RAD52: variants seen among roughly 807,000 people sequenced by gnomAD.
The protein encoded by RAD52 is RAD52 DNA repair protein.
In RAD52, 47 loss-of-function variants were observed where a neutral mutation model predicts 55.5. The ratio of observed to expected loss-of-function variants is 0.85; its 90% CI spans 0.67 to 1.08. The LOEUF is 1.08. RAD52 is among the 50% of genes least tolerant of loss of function. RAD52 has a pLI of 0.00. For missense variants in RAD52, 468 were observed against 522.8 expected, an observed-to-expected ratio of 0.90 and a Z score of 1.02; for synonymous variants, 184 against 198.9, an observed-to-expected ratio of 0.92 and a Z score of 0.63.
intron 1 of RAD52, among the ~76,000 whole-genome samples, chr12:934,034 T>A (rs942816954): frequency 4.0e-5 from 6 of 148,534 alleles, no homozygotes; most frequent in Admixed American, 3.4e-4. Context: ...CTCAGGAGTT[T>A]GAGGCTGCAG....
At chr12:978,976 T>C (rs1565714014) in intron 1 of RAD52, among the ~76,000 whole-genome samples, 1 of 151,110 alleles carries the variant, frequency 6.6e-6, no homozygotes, top group Admixed American at 6.6e-5. Context: ...TGTAAAACTT[T>C]AAAAAAAAAG....
intron 1 of RAD52, among the ~76,000 whole-genome samples, chr12:947,761 G>A (rs1486684490): frequency 2.6e-5 from 4 of 151,770 alleles, no homozygotes; most frequent in East Asian, 1.9e-4. Flanking sequence ...AGTGGCATGC[G>A]CCTGTAAGCC....
intron 1 of RAD52, among the ~76,000 whole-genome samples, chr12:942,669 C>A (rs1194245406): frequency 1.3e-5 from 2 of 151,756 alleles, no homozygotes; most frequent in Admixed American, 6.6e-5. Context: ...ATCGCTTGAA[C>A]CTGGGAGGCA....
At chr12:957,717 G>T (rs1039124828) in intron 1 of RAD52, among the ~76,000 whole-genome samples, 2 of 152,180 alleles carry the variant, frequency 1.3e-5, no homozygotes, top group Non-Finnish European at 2.9e-5. Context: ...TTGAGCCCAG[G>T]AGGCGGAGGT....
rs745906220 is a variant in RAD52, at chr12:982,654, G to A, written c.-19+7155C>T. Among the ~76,000 whole-genome samples, 367 of 78,070 alleles carry A rather than the reference G, an allele frequency of 4.7e-3. 3 individuals carry two copies. The highest frequency in any genetic ancestry group is 0.026 in the Middle Eastern group (3 of 116). 51.2% of individuals were successfully genotyped at this position (78,070 alleles called of 152,430 possible). A position where few individuals can be genotyped will look rare whatever the true frequency, so the allele number is the denominator to read the frequency against. ...CCAACAATCTCTTCAAGACAATCTA[G>A]ACTTTTTTTTTTTTTTTTTTTTGGC... On this transcript the variant is annotated intron_variant, in intron 1 of 11. Transcript: ENST00000430095.
intron 7 of RAD52, among the ~76,000 whole-genome samples, chr12:921,204 A>G (rs1956709789): frequency 6.6e-6 from 1 of 152,168 alleles, no homozygotes; most frequent in South Asian, 2.1e-4. Context: ...ACCTCAAAGA[A>G]CTAGAAAAAA....
In RAD52 at chr12:916,332, C is replaced by G; in HGVS notation, c.865+12G>C. 1 of 1,603,712 alleles carries G rather than the reference C, an allele frequency of 6.2e-7. No homozygotes were observed. On this transcript the variant is annotated intron_variant, in intron 9 of 11. Coordinates refer to ENST00000358495, the MANE Select transcript of RAD52 (RefSeq NM_134424.4). ...GACGCCTCCCAGGGCCCTGCTCCCA[C>G]CCCTCGCTCACCCTCACTCTTCTCA...
intron 1 of RAD52, among the ~76,000 whole-genome samples, chr12:947,464 A>T (rs1344656931): frequency 6.6e-6 from 1 of 150,950 alleles, no homozygotes; most frequent in Non-Finnish European, 1.5e-5. Flanking sequence ...CATTGCCAAC[A>T]CGGTGAAACC....
chr12:976,910 T>G (rs1014501287), intron 1 of RAD52: 1 of 152,224 alleles, frequency 6.6e-6, no homozygotes, highest in Non-Finnish European at 1.5e-5. Flanking sequence ...ACTCGCAGAT[T>G]GTCTTATCTG....
chr12:986,994 T>TG (rs776484162), intron 1 of RAD52, among the ~76,000 whole-genome samples: 1 of 152,106 alleles, frequency 6.6e-6, no homozygotes, highest in Non-Finnish European at 1.5e-5. Context: ...TTTTTTGAGA[T>TG]GGAGTTTTGC....
chr12:970,920 G>C lies in RAD52; in HGVS notation c.-19+18889C>G, dbSNP rs142763773. On this transcript the variant is annotated intron_variant, in intron 1 of 11. Transcript: ENST00000430095. ...ATTTTGAACCAAATATATACGTAGA[G>C]AGAGAGAGACAGGAAATAAATCGAT... Among the ~76,000 whole-genome samples, 571 of 148,928 alleles carry C rather than the reference G, an allele frequency of 3.8e-3. 6 individuals carry two copies. The highest frequency in any genetic ancestry group is 4.8e-3 in the Non-Finnish European group (326 of 67,412).
chr12:980,685 G>A (rs1228467909), intron 1 of RAD52, among the ~76,000 whole-genome samples: 2 of 149,718 alleles, frequency 1.3e-5, no homozygotes, highest in East Asian at 2.0e-4. Flanking sequence ...CACTGCAACC[G>A]CCGCCTCCTG....
chr12:964,818 C>T (rs1237578683), intron 1 of RAD52, among the ~76,000 whole-genome samples: 3 of 152,034 alleles, frequency 2.0e-5, no homozygotes, highest in East Asian at 1.9e-4. Context: ...CTCAAGTGTT[C>T]CTCCTGCCTG....
chr12:919,716 A>T (rs1174876213), intron 7 of RAD52, among the ~76,000 whole-genome samples: 3 of 105,104 alleles, frequency 2.9e-5, no homozygotes, highest in Admixed American at 9.1e-5. Context: ...GCGCCACTGC[A>T]CTCCAGCCTG....
chr12:916,370 G>T lies in RAD52; in HGVS notation c.839C>A (p.Ser280Tyr). 1.2e-6 allele frequency: 2 copies of T among 1,607,890 alleles called. No homozygotes were observed. Among genetic ancestry groups the T allele is most frequent in the Non-Finnish European group, 8.5e-7 (1 of 1,179,922 alleles). ...CTCACTCTTCTCAGCTGACGGCGTG[G>T]AGACTCGAACCTGCTGCTTCTCCAT... Reference protein sequence around the residue: ...ERMEKQQVRVSTPSAEKSEAA... With the variant: ...ERMEKQQVRVYTPSAEKSEAA... The change falls in exon 9 of 12, where the codon TCC becomes TAC. Residue 280 changes from serine (S) to tyrosine (Y), a missense_variant. Transcript: ENST00000358495.
upstream of RAD52, among the ~76,000 whole-genome samples, chr12:951,608 A>G (rs1958529448): frequency 6.6e-6 from 1 of 152,240 alleles, no homozygotes; most frequent in East Asian, 1.9e-4. Flanking sequence ...TCACTAGTCC[A>G]GCTAGATGTT....
chr12:980,128 T>G (rs554119502), intron 1 of RAD52, among the ~76,000 whole-genome samples: 1 of 151,922 alleles, frequency 6.6e-6, no homozygotes, highest in Non-Finnish European at 1.5e-5. Flanking sequence ...AGGCGGAGGT[T>G]GCAGTGAGCT....
At chr12:963,500 A>G (rs1294521868) in intron 1 of RAD52, among the ~76,000 whole-genome samples, 2 of 152,194 alleles carry the variant, frequency 1.3e-5, no homozygotes, top group East Asian at 1.9e-4. Context: ...AAAATGCAGG[A>G]TATCAAATTA....
At chr12:939,919 A>T (rs923992617) in intron 1 of RAD52, among the ~76,000 whole-genome samples, 8 of 152,130 alleles carry the variant, frequency 5.3e-5, no homozygotes, top group Admixed American at 5.2e-4. Context: ...TACTGAAAAT[A>T]CAAAAATTAG....
Sources: gnomAD v4.1 joint callset for allele counts (sites outside exome capture counted in the v4.1 genomes callset) on GRCh38, gnomAD v4.1.1 for gene constraint, MANE v1.5 for transcripts, NCBI Gene and HGNC (gene_info 2026-07-23, HGNC 2026-07-21) for gene names.